U2AF2: variants seen among roughly 807,000 people sequenced by gnomAD.
U2AF2 encodes the protein U2 small nuclear RNA auxiliary factor 2, also known as splicing factor U2AF 65 kDa subunit.
A neutral mutation model predicts 52.6 loss-of-function variants in U2AF2; 6 were observed. The ratio of observed to expected loss-of-function variants is 0.11; its 90% CI spans 0.06 to 0.23. U2AF2 has a LOEUF of 0.23. Among genes scored for constraint, U2AF2 ranks in the 10% least tolerant of loss-of-function variants. The pLI is 1.00. For synonymous variants in U2AF2, 284 were observed against 258.2 expected, an observed-to-expected ratio of 1.10 and a Z score of -0.96; for missense variants, 222 against 677.1, an observed-to-expected ratio of 0.33 and a Z score of 7.46.
chr19:55,657,625 A>G (rs1983879077), intron 1 of U2AF2, among the ~76,000 whole-genome samples: 1 of 152,152 alleles, frequency 6.6e-6, no homozygotes. Context: ...CCGCTGCTCT[A>G]CACTGCTGGC....
At chr19:55,663,566 C>A in intron 6 of U2AF2, 40 bp from the exon 7 acceptor site, 3 of 1,605,286 alleles carry the variant, frequency 1.9e-6, no homozygotes, top group Non-Finnish European at 2.6e-6. Context: ...GTACTAGTCC[C>A]TGACCCCCAT....
chr19:55,669,288 G>A, intron 10 of U2AF2, 107 bp downstream of exon 10: 1 of 1,555,448 alleles, frequency 6.4e-7, no homozygotes, highest in Non-Finnish European at 8.7e-7. Context: ...AAGGCATTTG[G>A]GGGGCATTCA....
chr19:55,658,769 T>C (rs959221021), intron 1 of U2AF2: 4 of 157,562 alleles, frequency 2.5e-5, no homozygotes, highest in African/African-American at 9.6e-5. Context: ...GTCCTGATGG[T>C]GGGGCTGTGG....
At chr19:55,669,378 A>C in intron 10 of U2AF2, 66 bp from the exon 11 acceptor site, 1 of 1,552,464 alleles carries the variant, frequency 6.4e-7, no homozygotes, top group South Asian at 1.2e-5. Flanking sequence ...TGAGGGGCCT[A>C]GGCTTGAGCA....
chr19:55,673,656 G>T (rs1985077128), intron 11 of U2AF2, among the ~76,000 whole-genome samples: 1 of 152,166 alleles, frequency 6.6e-6, no homozygotes, highest in Non-Finnish European at 1.5e-5. Context: ...GCTCGTCTAG[G>T]CCTCCCGCCT....
At position 55,674,126 on chromosome 19, in the gene U2AF2, C is replaced by T; in HGVS notation, c.*58C>T. ...CTGGGGGCTTCTCCCCACTCCCGCC[C>T]CCCCCTTATCCCCCTCTGAAGACGA... On this transcript the variant is annotated 3_prime_UTR_variant, in exon 12 of 12. Coordinates refer to ENST00000308924, the MANE Select transcript of U2AF2 (RefSeq NM_007279.3). The T allele has an allele frequency of 6.6e-7, 1 of 1,506,230 alleles. No homozygotes were observed. Among genetic ancestry groups the T allele is most frequent in the Non-Finnish European group, 8.9e-7 (1 of 1,129,478 alleles). The allele number at this position is 1,506,230 out of a possible 1,614,324, so 93.3% of individuals were successfully genotyped here.
At position 55,655,041 on chromosome 19, in the gene U2AF2, A is replaced by G. The variant is rs559323511; in HGVS notation, c.-64A>G. ...CGAAGCCAGCGGCGGAAGTAGCCGAAGCGGCTGGAGCGGGCGGCAAGGCGA... is the reference window on the plus strand; with the variant it reads ...CGAAGCCAGCGGCGGAAGTAGCCGAGGCGGCTGGAGCGGGCGGCAAGGCGA... On this transcript the variant is annotated 5_prime_UTR_variant, in exon 1 of 12. Transcript: ENST00000308924. 3.8e-6 allele frequency: 6 copies of G among 1,590,432 alleles called. No individual in the cohort carries two copies. The Admixed American group carries it at 1.0e-4, about 27-fold the overall frequency.
At position 55,673,984 on chromosome 19, in the gene U2AF2, C is replaced by T; in HGVS notation, c.1344C>T (p.Gly448=). The change falls in exon 12 of 12, where the codon GGC becomes GGT. Residue 448 remains glycine (G), a synonymous_variant. Coordinates refer to ENST00000308924, the MANE Select transcript of U2AF2 (RefSeq NM_007279.3). ...SVFDCQKAMQ[G]LTGRKFANRV... is the part of the protein sequence containing the mutation. ...TTGACTGCCAGAAAGCCATGCAGGG[C>T]CTGACGGGCCGCAAGTTCGCCAACA... is the stretch of plus-strand genomic sequence containing the variant. 1.9e-6 allele frequency: 3 copies of T among 1,614,102 alleles called. No homozygotes were observed. The highest frequency in any genetic ancestry group is 2.5e-6 in the Non-Finnish European group (3 of 1,179,976).
At chr19:55,659,048 C>A in intron 1 of U2AF2, 162 bp from the exon 2 acceptor site, 1 of 1,195,812 alleles carries the variant, frequency 8.4e-7, no homozygotes, top group East Asian at 3.2e-5. Flanking sequence ...CCTGGACTCG[C>A]TTGTGGACCC....
intron 11 of U2AF2, among the ~76,000 whole-genome samples, chr19:55,670,383 G>C (rs949888766): frequency 2.1e-5 from 3 of 141,774 alleles, no homozygotes; most frequent in African/African-American, 5.3e-5. Flanking sequence ...ATCGTACCAG[G>C]CTCTGATCTA....
chr19:55,665,424 G>A (rs918874918), intron 7 of U2AF2, among the ~76,000 whole-genome samples: 6 of 125,092 alleles, frequency 4.8e-5, no homozygotes, highest in Non-Finnish European at 8.4e-5. Flanking sequence ...CTCCATGGAC[G>A]GCAGTTCTAC....
At chr19:55,663,872 C>T (rs1984375339) in intron 7 of U2AF2, 128 bp downstream of exon 7, 1 of 1,407,452 alleles carries the variant, frequency 7.1e-7, no homozygotes, top group East Asian at 2.3e-5. Flanking sequence ...GTGCCTTTTC[C>T]CTGCTTCCCC....
intron 6 of U2AF2, among the ~76,000 whole-genome samples, chr19:55,663,244 C>T (rs144438427): frequency 1.5e-3 from 222 of 152,252 alleles, no homozygotes; most frequent in Non-Finnish European, 2.0e-3. Context: ...TGCATTGCTC[C>T]GGAGATGGGC....
chr19:55,656,425 G>T (rs1043497186), intron 1 of U2AF2, among the ~76,000 whole-genome samples: 3 of 152,224 alleles, frequency 2.0e-5, no homozygotes, highest in Non-Finnish European at 2.9e-5. Context: ...CATAGGCTTT[G>T]GAGTTGAGCA....
intron 1 of U2AF2, among the ~76,000 whole-genome samples, chr19:55,656,135 A>C (rs191544165): frequency 2.0e-5 from 3 of 152,342 alleles, no homozygotes; most frequent in Admixed American, 2.0e-4. Context: ...AGGGATTCCA[A>C]TAATATTAGA....
intron 1 of U2AF2, 90 bp from the exon 2 acceptor site, chr19:55,659,120 G>A (rs1983988099): frequency 2.9e-6 from 4 of 1,401,536 alleles, no homozygotes; most frequent in Admixed American, 2.9e-5. Flanking sequence ...GCCTCCCTGG[G>A]GCTTGGGACA....
At chr19:55,667,282 A>G (rs1026532294) in intron 7 of U2AF2, among the ~76,000 whole-genome samples, 1 of 152,000 alleles carries the variant, frequency 6.6e-6, no homozygotes, top group Non-Finnish European at 1.5e-5. Flanking sequence ...TGTCTTACCT[A>G]TTCCTTCCCA....
At position 55,673,928 on chromosome 19, in the gene U2AF2, C is replaced by A; in HGVS notation, c.1294-6C>A. 6.2e-7 allele frequency: 1 copy of A among 1,609,726 alleles called. No individual in the cohort carries two copies. The highest frequency in any genetic ancestry group is 8.5e-7 in the Non-Finnish European group (1 of 1,177,464). On this transcript the variant is annotated splice_polypyrimidine_tract_variant and splice_region_variant and intron_variant, in intron 11 of 11. Coordinates refer to ENST00000308924, the MANE Select transcript of U2AF2 (RefSeq NM_007279.3). Reference sequence around the variant, plus strand: ...GTTCACAAACCTGCCTCTCCTTTCCCCACAGATCTTTGTGGAGTTCACCTC... The same window carrying A: ...GTTCACAAACCTGCCTCTCCTTTCCACACAGATCTTTGTGGAGTTCACCTC...
Position 55,674,131 on chromosome 19 carries a change from C to G in U2AF2, c.*63C>G. On this transcript the variant is annotated 3_prime_UTR_variant, in exon 12 of 12. Coordinates refer to ENST00000308924, the MANE Select transcript of U2AF2 (RefSeq NM_007279.3). ...GGCTTCTCCCCACTCCCGCCCCCCCCTTATCCCCCTCTGAAGACGATGGGC... is the reference window on the plus strand; with the variant it reads ...GGCTTCTCCCCACTCCCGCCCCCCCGTTATCCCCCTCTGAAGACGATGGGC... 2.0e-6 allele frequency: 3 copies of G among 1,501,998 alleles called. No individual in the cohort carries two copies. Among genetic ancestry groups the G allele is most frequent in the South Asian group, 1.3e-5 (1 of 77,420 alleles). 93.0% of individuals were successfully genotyped at this position (1,501,998 alleles called of 1,614,324 possible).
Sources: gnomAD v4.1 joint callset for allele counts (sites outside exome capture counted in the v4.1 genomes callset) on GRCh38, gnomAD v4.1.1 for gene constraint, MANE v1.5 for transcripts, NCBI Gene and HGNC (gene_info 2026-07-23, HGNC 2026-07-21) for gene names.